The following TTLL7 variants were observed in gnomAD, a reference collection of about 807,000 sequenced individuals.
The protein encoded by TTLL7 is tubulin polyglutamylase TTLL7.
Under a neutral mutation model 120.2 loss-of-function variants are expected in TTLL7, and 53 were observed. The observed-to-expected ratio is 0.44, with a 90% CI of 0.35 to 0.55. The LOEUF (loss-of-function observed/expected upper bound fraction) is 0.55, where lower values mean the gene tolerates loss of function less well. Ranked by LOEUF, TTLL7 falls within the 20% of genes least tolerant of loss-of-function variation. The probability of loss-of-function intolerance (pLI) is 0.00; values close to 1 mark genes in which losing one functional copy is unlikely to be tolerated. For synonymous variants in TTLL7, 353 were observed against 351.7 expected (o/e 1.00, Z -0.04); for missense variants, 803 against 1,054.7 (o/e 0.76, Z 3.31).
At chr1:83,922,612 A>T (rs1658774021) in intron 10 of TTLL7, among the ~76,000 whole-genome samples, 1 of 152,152 alleles carries the variant, frequency 6.6e-6, no homozygotes, top group Non-Finnish European at 1.5e-5. Flanking sequence ...AAATAAATGC[A>T]TCCAGAAAAC....
At chr1:83,924,888 CA>C (rs1219906619) in intron 10 of TTLL7, among the ~76,000 whole-genome samples, 1 of 151,948 alleles carries the variant, frequency 6.6e-6, no homozygotes, top group African/African-American at 2.4e-5. Flanking sequence ...GGAAAAAGAA[CA>C]AGAAATGATG....
At chr1:83,926,113 C>A (rs1248939937) in intron 10 of TTLL7, among the ~76,000 whole-genome samples, 560 of 126,694 alleles carry the variant, frequency 4.4e-3, no homozygotes, top group South Asian at 5.2e-3. Flanking sequence ...GACTCTGTCT[C>A]AAAAAAAAAA....
At chr1:83,917,131 T>A (rs538072197) in intron 14 of TTLL7, among the ~76,000 whole-genome samples, 1 of 150,688 alleles carries the variant, frequency 6.6e-6, no homozygotes. Flanking sequence ...AACATGTAGA[T>A]GTCATCTACA....
At position 83,997,828 on chromosome 1, in the gene TTLL7, C is replaced by T. The variant is rs534184776; in HGVS notation, c.-177+1103G>A. 1.6e-4 allele frequency among the ~76,000 whole-genome samples: 25 copies of T among 152,326 alleles called. 1 individual carries two copies. Among genetic ancestry groups the T allele is most frequent in the African/African-American group, 5.1e-4 (21 of 41,566 alleles). On this transcript the variant is annotated intron_variant, in intron 1 of 20. Coordinates refer to ENST00000260505, the MANE Select transcript of TTLL7 (RefSeq NM_024686.6). Reference sequence around the variant, plus strand: ...TTAATCGACTTCTCCAACACTTGAGCATCCACCAAATATCACTGCCAAAAA... The same window carrying T: ...TTAATCGACTTCTCCAACACTTGAGTATCCACCAAATATCACTGCCAAAAA...
intron 15 of TTLL7, among the ~76,000 whole-genome samples, chr1:83,907,963 C>T (rs1657346555): frequency 6.6e-6 from 1 of 152,066 alleles, no homozygotes; most frequent in African/African-American, 2.4e-5. Context: ...GGAAAATTAA[C>T]ATTTATGGAG....
chr1:83,896,879 C>G (rs1175101892), intron 18 of TTLL7, among the ~76,000 whole-genome samples: 1 of 152,064 alleles, frequency 6.6e-6, no homozygotes, highest in Non-Finnish European at 1.5e-5. Flanking sequence ...ACCAACATGA[C>G]TATATTTTCA....
chr1:83,947,474 G>A lies in TTLL7; in HGVS notation c.348-192C>T, dbSNP rs1267041103. 9 of 469,676 alleles carry A rather than the reference G, an allele frequency of 1.9e-5. No individual in the cohort carries two copies. The East Asian group carries it at 3.2e-4, about 17-fold the overall frequency. The allele number at this position is 469,676 out of a possible 1,614,324, so 29.1% of individuals were successfully genotyped here. ...GTGTTAGACACTATTCTGGACTATG[G>A]ATTCATCAGTGAAAAAAAAAAACAA... On this transcript the variant is annotated intron_variant, in intron 5 of 20. Transcript: ENST00000260505.
intron 7 of TTLL7, among the ~76,000 whole-genome samples, chr1:83,939,274 T>C (rs2100835489): frequency 6.6e-6 from 1 of 152,298 alleles, no homozygotes; most frequent in East Asian, 1.9e-4. Context: ...AGCTGAAGCA[T>C]TTCCTGGTTT....
chr1:83,960,177 T>C (rs2100535381), intron 1 of TTLL7, among the ~76,000 whole-genome samples: 1 of 152,278 alleles, frequency 6.6e-6, no homozygotes, highest in East Asian at 1.9e-4. Flanking sequence ...TTTTTGTAAG[T>C]ATTGTGATAT....
At chr1:83,877,531 T>C (rs1654031888) in intron 20 of TTLL7, among the ~76,000 whole-genome samples, 2 of 152,036 alleles carry the variant, frequency 1.3e-5, no homozygotes, top group Admixed American at 1.3e-4. Context: ...GTTATGACTA[T>C]TTAGGACTTT....
intron 1 of TTLL7, among the ~76,000 whole-genome samples, chr1:83,987,920 AG>A (rs1234994406): frequency 3.3e-5 from 5 of 152,188 alleles, no homozygotes; most frequent in Admixed American, 3.3e-4. Context: ...GTACATGTAC[AG>A]GTTTGTCACC....
chr1:83,881,205 C>A (rs773456824), intron 20 of TTLL7, among the ~76,000 whole-genome samples: 6,180 of 151,396 alleles, frequency 0.041, 147 homozygotes, highest in Middle Eastern at 0.099. Flanking sequence ...TCTAAAACAC[C>A]AAAAGCAATG....
intron 7 of TTLL7, among the ~76,000 whole-genome samples, chr1:83,938,696 T>C (rs1647648502): frequency 6.6e-6 from 1 of 152,170 alleles, no homozygotes. Context: ...TTTCCTTAAA[T>C]AAACTTGAAA....
intron 1 of TTLL7, among the ~76,000 whole-genome samples, chr1:83,988,620 A>T (rs113528419): frequency 2.6e-3 from 388 of 152,022 alleles, no homozygotes; most frequent in African/African-American, 8.9e-3. Context: ...TTTGATTTGC[A>T]TGTCTCTGGT....
chr1:83,901,474 T>A (rs1256294035), intron 18 of TTLL7, among the ~76,000 whole-genome samples: 2 of 152,008 alleles, frequency 1.3e-5, no homozygotes, highest in Non-Finnish European at 1.5e-5. Context: ...TATCGTACTC[T>A]CTACTTTTTT....
At chr1:83,921,558 T>C (rs750360313) in intron 10 of TTLL7, among the ~76,000 whole-genome samples, 164 bp from the exon 11 acceptor site, 1 of 152,146 alleles carries the variant, frequency 6.6e-6, no homozygotes, top group Non-Finnish European at 1.5e-5. Flanking sequence ...ACCTCAAATA[T>C]GGCACTCTGA....
chr1:83,910,099 T>C (rs1657550509), intron 15 of TTLL7, among the ~76,000 whole-genome samples: 1 of 152,132 alleles, frequency 6.6e-6, no homozygotes, highest in Non-Finnish European at 1.5e-5. Context: ...CTGGAAGATA[T>C]GAAGTAGTAG....
intron 9 of TTLL7, among the ~76,000 whole-genome samples, chr1:83,931,674 T>C (rs1465001577): frequency 7.0e-6 from 1 of 143,690 alleles, no homozygotes; most frequent in African/African-American, 2.5e-5. Flanking sequence ...CTGTTTAATT[T>C]AAGAGTACTT....
At chr1:83,929,281 A>C in intron 9 of TTLL7, 51 bp from the exon 10 acceptor site, 1 of 1,364,930 alleles carries the variant, frequency 7.3e-7, no homozygotes, top group Non-Finnish European at 1.0e-6. Context: ...TATTCAATAC[A>C]TATTTGTTAA....
Sources: allele counts gnomAD v4.1 joint callset (sites outside exome capture counted in the v4.1 genomes callset), GRCh38; gene constraint gnomAD v4.1.1; transcripts MANE v1.5; gene names NCBI Gene and HGNC (gene_info 2026-07-23, HGNC 2026-07-21).